The following CDH6 variants were observed in gnomAD, a reference collection of about 807,000 sequenced individuals.
The protein encoded by CDH6 is cadherin-6.
A neutral mutation model predicts 78.0 loss-of-function variants in CDH6; 31 were observed. The ratio of observed to expected loss-of-function variants is 0.40; its 90% confidence interval spans 0.30 to 0.54. The LOEUF is 0.54. CDH6 is among the 20% of genes least tolerant of loss of function. CDH6 has a pLI of 0.56. For missense variants in CDH6, 724 were observed against 975.9 expected, an observed-to-expected ratio of 0.74 and a Z score of 3.44; for synonymous variants, 376 against 368.8, an observed-to-expected ratio of 1.02 and a Z score of -0.23.
At chr5:31,269,927 C>G (rs543823659) in intron 2 of CDH6, among the ~76,000 whole-genome samples, 2 of 152,252 alleles carry the variant, frequency 1.3e-5, no homozygotes, top group South Asian at 4.2e-4. Context: ...TCAAAGTTGC[C>G]TCATGGCTGT....
intron 1 of CDH6, among the ~76,000 whole-genome samples, chr5:31,199,541 T>G (rs1260900711): frequency 1.4e-5 from 2 of 141,828 alleles, no homozygotes; most frequent in African/African-American, 5.4e-5. Flanking sequence ...TATATATATG[T>G]ATACACACAT....
intron 1 of CDH6, chr5:31,249,217 A>G (rs1352295404): frequency 2.0e-5 from 3 of 152,220 alleles, no homozygotes; most frequent in African/African-American, 7.2e-5. Context: ...TTCACAGCAC[A>G]AATGAGGATG....
intron 8 of CDH6, among the ~76,000 whole-genome samples, chr5:31,315,810 CACTAAGACTAATA>C (rs1738304401): frequency 1.3e-5 from 2 of 152,218 alleles, no homozygotes; most frequent in African/African-American, 4.8e-5. Context: ...CAAACTAAAC[CACTAAGACTAATA>C]ACTATCCTTT....
At chr5:31,297,217 C>T in intron 3 of CDH6, 72 bp from the exon 4 acceptor site, 2 of 1,303,868 alleles carry the variant, frequency 1.5e-6, no homozygotes, top group Non-Finnish European at 2.2e-6. Flanking sequence ...TAAGATCGTG[C>T]TGGTTTTGGT....
At chr5:31,266,768 G>A (rs1432061095) in intron 1 of CDH6, among the ~76,000 whole-genome samples, 2 of 152,110 alleles carry the variant, frequency 1.3e-5, no homozygotes, top group Non-Finnish European at 2.9e-5. Context: ...TCTGCACTCC[G>A]AAAAGAAGGT....
At chr5:31,231,107 A>G (rs778172699) in intron 1 of CDH6, among the ~76,000 whole-genome samples, 1 of 152,164 alleles carries the variant, frequency 6.6e-6, no homozygotes, top group Non-Finnish European at 1.5e-5. Flanking sequence ...TCACTGCCTT[A>G]TTTTCATCTT....
In CDH6 at chr5:31,270,799, A is replaced by G. The variant is rs529710075; in HGVS notation, c.228+3098A>G. 1.4e-4 allele frequency among the ~76,000 whole-genome samples: 22 copies of G among 151,870 alleles called. No individual in the cohort carries two copies. The East Asian group carries it at 3.9e-3, about 27-fold the overall frequency. On this transcript the variant is annotated intron_variant, in intron 2 of 11. Coordinates refer to ENST00000265071, the MANE Select transcript of CDH6 (RefSeq NM_004932.4). Reference sequence around the variant, plus strand: ...GCAGCCTCGACTTCCTGGGCTCAAGATGTCCTCCTGCCCCAACTCCCAACT... The same window carrying G: ...GCAGCCTCGACTTCCTGGGCTCAAGGTGTCCTCCTGCCCCAACTCCCAACT...
chr5:31,310,939 C>T (rs1262199424), intron 7 of CDH6, among the ~76,000 whole-genome samples: 2 of 152,218 alleles, frequency 1.3e-5, no homozygotes, highest in African/African-American at 2.4e-5. Context: ...GAAGGGGCTG[C>T]CATCAAGGTC....
At chr5:31,197,616 T>C (rs1740204977) in intron 1 of CDH6, among the ~76,000 whole-genome samples, 1 of 152,148 alleles carries the variant, frequency 6.6e-6, no homozygotes, top group Non-Finnish European at 1.5e-5. Flanking sequence ...AAGAACATTA[T>C]GGTAATAGGA....
At chr5:31,263,441 C>CTTTTTTTT (rs35835971) in intron 1 of CDH6, among the ~76,000 whole-genome samples, 1 of 103,682 alleles carries the variant, frequency 9.6e-6, no homozygotes, top group African/African-American at 3.7e-5. Context: ...TTTTTGGGGT[C>CTTTTTTTT]TTTTTTTTTT....
chr5:31,319,687 C>T (rs774554016), intron 11 of CDH6, among the ~76,000 whole-genome samples: 3 of 152,000 alleles, frequency 2.0e-5, no homozygotes, highest in East Asian at 1.9e-4. Context: ...TAAAATGTGA[C>T]GATTGAAGAA....
At chr5:31,296,351 G>A (rs1250097341) in intron 3 of CDH6, among the ~76,000 whole-genome samples, 3 of 152,108 alleles carry the variant, frequency 2.0e-5, no homozygotes, top group Admixed American at 1.3e-4. Context: ...AAATAGACAT[G>A]TAGGCATACA....
At chr5:31,221,900 TC>T (rs1741012958) in intron 1 of CDH6, among the ~76,000 whole-genome samples, 3 of 152,152 alleles carry the variant, frequency 2.0e-5, no homozygotes, top group Admixed American at 2.0e-4. Context: ...ATTTTTTTTT[TC>T]ACTTGCAAAA....
At position 31,294,000 on chromosome 5, in the gene CDH6, A is replaced by C. The variant is rs1466822299; in HGVS notation, c.267A>C (p.Lys89Asn). Reference sequence around the variant, plus strand: ...AGGATAGAGGAGATGGATCACTTAAATATATCCTTTCAGGAGATGGAGCAG... The same window carrying C: ...AGGATAGAGGAGATGGATCACTTAACTATATCCTTTCAGGAGATGGAGCAG... The part of the protein sequence containing the change: ...SDQDRGDGSL[K>N]YILSGDGAGD... Residue 89 changes from lysine (K) to asparagine (N), a missense_variant, in exon 3 of 12, where the codon AAA becomes AAC. This residue lies in a region of CDH6 where 446 missense variants were observed against 684.5 expected (regional missense o/e 0.65). Coordinates refer to ENST00000265071, the MANE Select transcript of CDH6 (RefSeq NM_004932.4). The C allele has an allele frequency of 1.2e-6, 2 of 1,612,232 alleles. No individual in the cohort carries two copies. Among genetic ancestry groups the C allele is most frequent in the African/African-American group, 2.7e-5 (2 of 74,764 alleles).
intron 1 of CDH6, among the ~76,000 whole-genome samples, chr5:31,207,241 G>C (rs1448134557): frequency 6.6e-6 from 1 of 152,154 alleles, no homozygotes; most frequent in Non-Finnish European, 1.5e-5. Context: ...TGCTATTTTA[G>C]AAAGTTATTC....
intron 1 of CDH6, among the ~76,000 whole-genome samples, chr5:31,205,873 A>G (rs1579811749): frequency 6.6e-6 from 1 of 152,244 alleles, no homozygotes; most frequent in Non-Finnish European, 1.5e-5. Flanking sequence ...CACTTACAAT[A>G]TTTCAGGCAT....
At chr5:31,255,422 A>G (rs1742029744) in intron 1 of CDH6, among the ~76,000 whole-genome samples, 1 of 152,240 alleles carries the variant, frequency 6.6e-6, no homozygotes, top group Non-Finnish European at 1.5e-5. Context: ...GCAAGTGTTT[A>G]GTAAACATCG....
chr5:31,229,921 T>C (rs937739637), intron 1 of CDH6, among the ~76,000 whole-genome samples: 1 of 152,204 alleles, frequency 6.6e-6, no homozygotes, highest in Non-Finnish European at 1.5e-5. Context: ...TGGATCCTGG[T>C]ATGACAATTA....
At chr5:31,259,836 GA>G (rs1375760912) in intron 1 of CDH6, among the ~76,000 whole-genome samples, 1 of 152,212 alleles carries the variant, frequency 6.6e-6, no homozygotes, top group Non-Finnish European at 1.5e-5. Flanking sequence ...GTGGAAGGGA[GA>G]TGGCAAATGG....
Sources: gnomAD v4.1 joint callset for allele counts (sites outside exome capture counted in the v4.1 genomes callset) on GRCh38, gnomAD v4.1.1 for gene constraint, gnomAD v4.1.1 regional missense constraint, MANE v1.5 for transcripts, NCBI Gene and HGNC (gene_info 2026-07-23, HGNC 2026-07-21) for gene names.